Variants in MINK1 observed in about 807,000 individuals in gnomAD.
MINK1 encodes the protein misshapen-like kinase 1.
In MINK1, 46 loss-of-function variants were observed where a neutral mutation model predicts 178.4. The ratio of observed to expected loss-of-function variants is 0.26; its 90% CI spans 0.20 to 0.33. The LOEUF (loss-of-function observed/expected upper bound fraction) is 0.33. MINK1 is among the 10% of genes least tolerant of loss of function. The probability of loss-of-function intolerance (pLI) is 1.00; values close to 1 mark genes in which losing one functional copy is unlikely to be tolerated. For synonymous variants in MINK1, 797 were observed against 709.7 expected, an observed-to-expected ratio of 1.12 and a Z score of -1.96; for missense variants, 1,366 against 1,814.9, an observed-to-expected ratio of 0.75 and a Z score of 4.49.
At chr17:4,888,795 T>A (rs1267799228) in intron 12 of MINK1, among the ~76,000 whole-genome samples, 1 of 149,700 alleles carries the variant, frequency 6.7e-6, no homozygotes, top group African/African-American at 2.5e-5. Context: ...TCTCCCAGGT[T>A]CAAGTGATTC....
At position 4,895,905 on chromosome 17, in the gene MINK1, C is replaced by CT. The variant is rs1239512248; in HGVS notation, c.3364+75dup. ...GAGAAATGGATCTGGGAGCCAGGGA[C>CT]TTGGGGCCTGGGTGGGGCAGTGTAG... On this transcript the variant is annotated intron_variant, in intron 27 of 31. Transcript: ENST00000355280. The surrounding 1 kb of genome is among the most constrained non-coding windows in gnomAD (Gnocchi z 4.3). 5.1e-6 allele frequency: 8 copies of CT among 1,580,182 alleles called. No individual in the cohort carries two copies. The highest frequency in any genetic ancestry group is 5.2e-6 in the Non-Finnish European group (6 of 1,161,848).
In MINK1 at chr17:4,895,885, A is replaced by T; in HGVS notation, c.3364+53A>T. ...CGCATACTTGTTCATGAAGAGAGAA[A>T]TGGATCTGGGAGCCAGGGACTTGGG... On this transcript the variant is annotated intron_variant, in intron 27 of 31. Coordinates refer to ENST00000355280, the MANE Select transcript of MINK1 (RefSeq NM_153827.5). The surrounding 1 kb of genome is among the most constrained non-coding windows in gnomAD (Gnocchi z 4.3). 6.3e-7 allele frequency: 1 copy of T among 1,596,570 alleles called. No individual in the cohort carries two copies. Among genetic ancestry groups the T allele is most frequent in the Non-Finnish European group, 8.5e-7 (1 of 1,169,828 alleles).
Position 4,894,175 on chromosome 17 carries a change from C to T in MINK1, c.2672C>T (p.Thr891Ile). The T allele has an allele frequency of 6.2e-7, 1 of 1,613,652 alleles. No homozygotes were observed. Among genetic ancestry groups the T allele is most frequent in the South Asian group, 1.1e-5 (1 of 91,078 alleles). The change falls in exon 23 of 32, where the codon ACC becomes ATC. Residue 891 changes from threonine (T) to isoleucine (I), a missense_variant and splice_region_variant. Around this residue, in one of 14 missense-constraint regions of MINK1, gnomAD observed 709 missense variants for 692.3 expected, o/e 1.02. Transcript: ENST00000355280. This position sits in a 1 kb window ranked among gnomAD's most constrained non-coding sequence, Gnocchi z 4.1. ...CCAACCCTGCCCTCTGTCCTGTAGA[C>T]CCCTGAAGAGGAGCGGAACCTGCTG... ...YGGGTMVVQR[T>I]PEEERNLLHA...
Position 4,885,989 on chromosome 17 carries a change from TG to T in MINK1, c.694+27del. 1 of 1,608,814 alleles carries T rather than the reference TG, an allele frequency of 6.2e-7. No homozygotes were observed. The highest frequency in any genetic ancestry group is 8.5e-7 in the Non-Finnish European group (1 of 1,177,956). ...CCGTAAGTTCTGAGTCTGCCGGGAGTGGGAGGGGAGGGAAAGGAAGGGCCCA... is the reference window on the plus strand; with the variant it reads ...CCGTAAGTTCTGAGTCTGCCGGGAGTGGAGGGGAGGGAAAGGAAGGGCCCA... On this transcript the variant is annotated intron_variant, in intron 8 of 31. Coordinates refer to ENST00000355280, the MANE Select transcript of MINK1 (RefSeq NM_153827.5). This position sits in a 1 kb window ranked among gnomAD's most constrained non-coding sequence, Gnocchi z 5.0.
Position 4,833,846 on chromosome 17 carries a change from G to A in MINK1, c.57+206G>A, listed in dbSNP as rs1908862963. Among the ~76,000 whole-genome samples, 1 of 152,134 alleles carries A rather than the reference G, an allele frequency of 6.6e-6. No individual in the cohort carries two copies. The highest frequency in any genetic ancestry group is 2.1e-4 in the South Asian group (1 of 4,830). Reference sequence around the variant, plus strand: ...TCTCTCCACTGGCTGCAGATGCTGGGAGCCAGTTCGGTCCCCACCCTGTGG... The same window carrying A: ...TCTCTCCACTGGCTGCAGATGCTGGAAGCCAGTTCGGTCCCCACCCTGTGG... On this transcript the variant is annotated intron_variant, in intron 1 of 31. Transcript: ENST00000355280. The surrounding 1 kb of genome is among the most constrained non-coding windows in gnomAD (Gnocchi z 4.8).
At chr17:4,874,506 A>T (rs1270097554) in intron 1 of MINK1, among the ~76,000 whole-genome samples, 1 of 152,208 alleles carries the variant, frequency 6.6e-6, no homozygotes, top group Non-Finnish European at 1.5e-5. Flanking sequence ...CAGAAGGAAG[A>T]CATGGGGGAG....
chr17:4,846,283 C>T (rs999050729), intron 1 of MINK1, among the ~76,000 whole-genome samples: 6 of 152,212 alleles, frequency 3.9e-5, no homozygotes, highest in African/African-American at 1.4e-4. Context: ...AGGGAAGACT[C>T]AAGGACTCAT....
chr17:4,834,176 G>A (rs58366487), intron 1 of MINK1, among the ~76,000 whole-genome samples: 17,959 of 152,044 alleles, frequency 0.12, 1,730 homozygotes, highest in East Asian at 0.51. Context: ...CACCCCTCGT[G>A]CCGTCACCCT....
rs1969205208 is a variant in MINK1 at position 4,894,364 on chromosome 17, A to T, written c.2808+53A>T. 5.7e-6 allele frequency: 9 copies of T among 1,585,012 alleles called. No homozygotes were observed. Among genetic ancestry groups the T allele is most frequent in the Non-Finnish European group, 7.7e-6 (9 of 1,166,932 alleles). ...GGAGAGAAGAGCCCTGGCGATGGGC[A>T]GGAGGTCCCGGTGCTGGGTAACGGC... On this transcript the variant is annotated intron_variant, in intron 23 of 31. Transcript: ENST00000355280. The surrounding 1 kb of genome is among the most constrained non-coding windows in gnomAD (Gnocchi z 4.1).
chr17:4,892,039 G>A (rs991688177), intron 16 of MINK1, 110 bp from the exon 17 acceptor site: 17 of 932,756 alleles, frequency 1.8e-5, no homozygotes, highest in Non-Finnish European at 2.7e-5. Context: ...CTGAACCTCA[G>A]TTTTCTCATC....
At chr17:4,864,206 C>A (rs974693622) in intron 1 of MINK1, among the ~76,000 whole-genome samples, 53 of 150,286 alleles carry the variant, frequency 3.5e-4, no homozygotes, top group Non-Finnish European at 1.3e-4. Context: ...TCGAGACCAG[C>A]CTGACCGACA....
intron 2 of MINK1, 112 bp downstream of exon 2, chr17:4,878,494 T>C: frequency 1.0e-6 from 1 of 970,714 alleles, no homozygotes; most frequent in East Asian, 2.8e-5. Flanking sequence ...TGGGAGATGC[T>C]AGAGTCTAGG....
chr17:4,890,213 GT>G, intron 13 of MINK1: 14 of 160,360 alleles, frequency 8.7e-5, no homozygotes, highest in South Asian at 1.7e-4. Flanking sequence ...CCCACACCCC[GT>G]CCCCCAGGAA....
chr17:4,892,824 A>T (rs1214843965), intron 19 of MINK1, 56 bp downstream of exon 19: 5 of 1,499,240 alleles, frequency 3.3e-6, no homozygotes, highest in African/African-American at 1.4e-5. Context: ...ATCACCATGG[A>T]CCCTGCCTTT....
intron 13 of MINK1, chr17:4,890,184 CCTGCCCT>C (rs1279946379): frequency 9.3e-7 from 1 of 1,070,270 alleles, no homozygotes; most frequent in African/African-American, 1.6e-5. Context: ...TTCCTCCTTC[CCTGCCCT>C]CTGCCCCCCA....
At chr17:4,839,194 C>T (rs907614331) in intron 1 of MINK1, among the ~76,000 whole-genome samples, 2 of 152,212 alleles carry the variant, frequency 1.3e-5, no homozygotes, top group East Asian at 1.9e-4. Context: ...CTGCCCGCCT[C>T]AGCCTCCCAA....
At chr17:4,881,404 G>A in intron 4 of MINK1, 147 bp downstream of exon 4, 2 of 881,616 alleles carry the variant, frequency 2.3e-6, no homozygotes, top group South Asian at 3.4e-5. Flanking sequence ...TGGACCCAGA[G>A]GGGCCTCCTG....
rs35392409 is a variant in MINK1, at chr17:4,888,690, C to CTT, written c.1230+919_1230+920dup. Among the ~76,000 whole-genome samples, 47 of 87,852 alleles carry CTT rather than the reference C, an allele frequency of 5.3e-4. 1 individual carries two copies. The highest frequency in any genetic ancestry group is 7.3e-4 in the Non-Finnish European group (32 of 43,768). 57.6% of individuals were successfully genotyped at this position (87,852 alleles called of 152,430 possible). A position where few individuals can be genotyped will look rare whatever the true frequency, so the allele number is the denominator to read the frequency against. The stretch of plus-strand genomic sequence containing the variant: ...AGATAGTATAGTAACAAAGTCCTAT[C>CTT]TTTTTTTTTTTTTTTTTTTTGAGAT... On this transcript the variant is annotated intron_variant, in intron 12 of 31. Coordinates refer to ENST00000355280, the MANE Select transcript of MINK1 (RefSeq NM_153827.5).
chr17:4,887,670 ACAGCAGCAGCAGCTG>A lies in MINK1; in HGVS notation c.1124_1138del (p.Leu375_Gln379del), dbSNP rs777118070. 4 of 1,566,600 alleles carry A rather than the reference ACAGCAGCAGCAGCTG, an allele frequency of 2.6e-6. No individual in the cohort carries two copies. The highest frequency in any genetic ancestry group is 2.4e-5 in the East Asian group (1 of 41,992). ...ATAAGAGCAACTCAGAGGCTTTAAA[ACAGCAGCAGCAGCTG>A]CAGCAGCAGCAGCAGCGAGACCCCG... On this transcript the variant is annotated inframe_deletion, in exon 12 of 32. Transcript: ENST00000355280. This position sits in a 1 kb window ranked among gnomAD's most constrained non-coding sequence, Gnocchi z 7.6.
Sources: gnomAD v4.1 joint callset for allele counts (sites outside exome capture counted in the v4.1 genomes callset) on GRCh38, gnomAD v4.1.1 for gene constraint, gnomAD v4.1.1 regional missense constraint, Gnocchi (gnomAD v3.1) non-coding constraint, MANE v1.5 for transcripts, NCBI Gene and HGNC (gene_info 2026-07-23, HGNC 2026-07-21) for gene names.